The following MECR variants were observed in gnomAD, a reference collection of about 807,000 sequenced individuals.
MECR encodes mitochondrial trans-2-enoyl-CoA reductase.
A neutral mutation model predicts 49.1 loss-of-function variants in MECR; 37 were observed. The ratio of observed to expected loss-of-function variants is 0.75; its 90% confidence interval spans 0.58 to 0.99. MECR has a LOEUF of 0.99. Ranked by LOEUF, MECR falls within the 50% of genes least tolerant of loss-of-function variation. MECR has a pLI of 0.00. For synonymous variants in MECR, 198 were observed against 191.1 expected, an observed-to-expected ratio of 1.04 and a Z score of -0.30; for missense variants, 470 against 479.6, an observed-to-expected ratio of 0.98 and a Z score of 0.19.
intron 1 of MECR, among the ~76,000 whole-genome samples, chr1:29,227,991 G>A (rs1313127507): frequency 6.6e-6 from 1 of 152,046 alleles, no homozygotes; most frequent in African/African-American, 2.4e-5. Flanking sequence ...CACCTGGAGA[G>A]CTTTGAAAAA....
At chr1:29,219,786 G>A (rs936395286) in intron 1 of MECR, among the ~76,000 whole-genome samples, 1 of 152,156 alleles carries the variant, frequency 6.6e-6, no homozygotes, top group Non-Finnish European at 1.5e-5. Flanking sequence ...TAAGTGGGAT[G>A]AATAAAGACC....
chr1:29,180,150 G>A, the MECR span, among the ~76,000 whole-genome samples: 1 of 152,192 alleles, frequency 6.6e-6, no homozygotes, highest in Non-Finnish European at 1.5e-5. Context: ...CCCATACGTA[G>A]TAAGTGGTGG....
chr1:29,210,377 A>T (rs1056979519), intron 3 of MECR, among the ~76,000 whole-genome samples: 1 of 152,048 alleles, frequency 6.6e-6, no homozygotes, highest in Non-Finnish European at 1.5e-5. Context: ...AAAATAAGAG[A>T]CTGAAAAGGC....
Position 29,200,482 on chromosome 1 carries a change from T to C in MECR, c.830+34A>G, listed in dbSNP as rs763481343. On this transcript the variant is annotated intron_variant, in intron 7 of 9. Transcript: ENST00000263702. ...TCCCAGCTAAAGACCTGGAGAGCTC[T>C]GGCGAGCTGGACCTGCAGGCCCAAG... 2.5e-6 allele frequency: 4 copies of C among 1,597,948 alleles called. No homozygotes were observed. The East Asian group carries it at 9.0e-5, about 36-fold the overall frequency.
intron 1 of MECR, chr1:29,223,140 C>G: frequency 1.0e-6 from 1 of 985,418 alleles, no homozygotes; most frequent in Non-Finnish European, 1.2e-6. Flanking sequence ...TCCCCCATAC[C>G]GTTCACGTCC....
chr1:29,199,417 C>A (rs543278272), intron 7 of MECR, among the ~76,000 whole-genome samples: 1 of 150,450 alleles, frequency 6.6e-6, no homozygotes, highest in African/African-American at 2.4e-5. Flanking sequence ...TTAGTAGACA[C>A]GGGGTTTCAC....
At chr1:29,189,263 G>A (rs991345363), downstream of MECR, among the ~76,000 whole-genome samples, 1 of 144,362 alleles carries the variant, frequency 6.9e-6, no homozygotes, top group South Asian at 2.1e-4. Context: ...GTATAGACGG[G>A]GTTTCACCAT....
the MECR span, among the ~76,000 whole-genome samples, chr1:29,181,128 A>G: frequency 6.6e-6 from 1 of 152,230 alleles, no homozygotes; most frequent in African/African-American, 2.4e-5. Flanking sequence ...CTCCCGCCCA[A>G]AAAAGCGTGG....
intron 5 of MECR, 53 bp from the exon 6 acceptor site, chr1:29,202,098 GC>G: frequency 6.7e-7 from 1 of 1,485,098 alleles, no homozygotes; most frequent in Non-Finnish European, 9.4e-7. Context: ...TTCCACCAAA[GC>G]CCCCCAGGAC....
chr1:29,177,716 G>T, the MECR span, among the ~76,000 whole-genome samples: 3 of 152,022 alleles, frequency 2.0e-5, no homozygotes, highest in Non-Finnish European at 4.4e-5. Context: ...AAGTTCTCTA[G>T]AACAGTGGCA....
At chr1:29,177,893 ATTTTTTTTTTT>A in the MECR span, among the ~76,000 whole-genome samples, 4 of 93,636 alleles carry the variant, frequency 4.3e-5, no homozygotes, top group South Asian at 6.6e-4. Context: ...ATTACACAAG[ATTTTTTTTTTT>A]TTTTTTTTTT....
At chr1:29,181,847 C>G in the MECR span, 1 of 1,057,316 alleles carries the variant, frequency 9.5e-7, no homozygotes, top group Non-Finnish European at 1.2e-6. Context: ...GCGGCGGCAA[C>G]GGGCGGGCGG....
the MECR span, chr1:29,181,773 C>G: frequency 1.3e-6 from 2 of 1,558,694 alleles, no homozygotes; most frequent in Non-Finnish European, 1.7e-6. Flanking sequence ...GCAGTGATGG[C>G]TGGCCCCGGC....
rs1673195081 is a variant in MECR, at chr1:29,192,702, CAA to C, written c.*1318_*1319del. On this transcript the variant is annotated 3_prime_UTR_variant, in exon 10 of 10. Coordinates refer to ENST00000263702, the MANE Select transcript of MECR (RefSeq NM_016011.5). ...AGCAAATGAATCGTGAAGCAAATAC[CAA>C]AAAGTCACGTCAAGCTCTTCTCTCG... is the stretch of plus-strand genomic sequence containing the variant. 6.6e-6 allele frequency among the ~76,000 whole-genome samples: 1 copy of C among 152,038 alleles called. No individual in the cohort carries two copies.
chr1:29,185,396 G>A, the MECR span, among the ~76,000 whole-genome samples: 6 of 151,920 alleles, frequency 3.9e-5, no homozygotes, highest in South Asian at 1.0e-3. Context: ...CTACAGGCCC[G>A]TGCCACCATG....
chr1:29,174,938 T>C, the MECR span, among the ~76,000 whole-genome samples: 3 of 150,782 alleles, frequency 2.0e-5, no homozygotes, highest in African/African-American at 7.3e-5. Flanking sequence ...TCCCAAAGTG[T>C]TGGGATTATA....
intron 1 of MECR, chr1:29,224,941 T>C (rs1299854492): frequency 6.6e-6 from 1 of 152,226 alleles, no homozygotes; most frequent in Non-Finnish European, 1.5e-5. Context: ...AAGAGACAAC[T>C]TGGAGTGGCT....
the MECR span, chr1:29,181,927 C>T: frequency 4.6e-6 from 2 of 430,624 alleles, no homozygotes; most frequent in Admixed American, 4.6e-5. Flanking sequence ...CTTCCACTTC[C>T]CCCGCCCTTC....
chr1:29,171,588 A>G, the MECR span: 2 of 151,922 alleles, frequency 1.3e-5, no homozygotes, highest in African/African-American at 2.4e-5. Flanking sequence ...ATACAAATGC[A>G]TTAATATTTT....
Sources: gnomAD v4.1 joint callset for allele counts (sites outside exome capture counted in the v4.1 genomes callset) on GRCh38, gnomAD v4.1.1 for gene constraint, MANE v1.5 for transcripts, NCBI Gene and HGNC (gene_info 2026-07-23, HGNC 2026-07-21) for gene names.